The following PRR5L variants were observed in gnomAD, a reference collection of about 807,000 sequenced individuals.
PRR5L encodes the protein proline-rich protein 5-like.
PRR5L carries 21 observed loss-of-function variants against 36.4 expected under a neutral mutation model. The ratio of observed to expected loss-of-function variants is 0.58; its 90% CI spans 0.41 to 0.83. The LOEUF (loss-of-function observed/expected upper bound fraction) is 0.83. Among genes scored for constraint, PRR5L ranks in the 40% least tolerant of loss-of-function variants. The pLI, the probability that PRR5L is intolerant of heterozygous loss-of-function variation, is 0.00. For synonymous variants in PRR5L, 188 were observed against 197.0 expected, an observed-to-expected ratio of 0.95 and a Z score of 0.38; for missense variants, 381 against 473.3, an observed-to-expected ratio of 0.80 and a Z score of 1.81.
chr11:36,457,235 T>C (rs759521793), intron 8 of PRR5L, among the ~76,000 whole-genome samples: 1 of 152,242 alleles, frequency 6.6e-6, no homozygotes, highest in Non-Finnish European at 1.5e-5. Flanking sequence ...GTTTCAGCCA[T>C]GTTATAAAAT....
chr11:36,307,532 T>A (rs1856448207), intron 1 of PRR5L, among the ~76,000 whole-genome samples: 1 of 152,150 alleles, frequency 6.6e-6, no homozygotes. Context: ...GTTGCCTACA[T>A]CCTCAGGCAG....
At chr11:36,349,913 A>C (rs1856909251) in intron 1 of PRR5L, 1 of 152,064 alleles carries the variant, frequency 6.6e-6, no homozygotes, top group African/African-American at 2.4e-5. Context: ...AATTCTGCTG[A>C]CTTCAGAGAA....
chr11:36,325,602 G>A (rs1449471237), intron 1 of PRR5L, among the ~76,000 whole-genome samples: 1 of 152,114 alleles, frequency 6.6e-6, no homozygotes, highest in Non-Finnish European at 1.5e-5. Context: ...TCCTGTTTTT[G>A]CCTAATTAGC....
At chr11:36,302,921 G>A (rs951393029) in intron 1 of PRR5L, among the ~76,000 whole-genome samples, 5 of 152,218 alleles carry the variant, frequency 3.3e-5, no homozygotes, top group Admixed American at 2.6e-4. Context: ...TATCAAGGAT[G>A]TGCAGATTAG....
At chr11:36,297,989 G>T (rs1856331358) in intron 1 of PRR5L, among the ~76,000 whole-genome samples, 1 of 152,230 alleles carries the variant, frequency 6.6e-6, no homozygotes, top group Non-Finnish European at 1.5e-5. Context: ...GTTCTGGTGG[G>T]TGTGTAAACC....
chr11:36,405,950 G>T (rs1787485623), intron 3 of PRR5L, among the ~76,000 whole-genome samples: 1 of 152,118 alleles, frequency 6.6e-6, no homozygotes. Flanking sequence ...ATCTCTCAAA[G>T]GCCCATCTCC....
intron 1 of PRR5L, among the ~76,000 whole-genome samples, chr11:36,352,085 C>T (rs973724225): frequency 1.3e-5 from 2 of 151,914 alleles, no homozygotes; most frequent in African/African-American, 4.8e-5. Context: ...TCCCCGCCAA[C>T]ATCTATTATT....
rs1228126724 is a variant in PRR5L at position 36,463,576 on chromosome 11, TG to T, written c.*841del. The T allele has an allele frequency of 6.6e-6, 1 of 152,590 alleles. No homozygotes were observed. The highest frequency in any genetic ancestry group is 2.4e-5 in the African/African-American group (1 of 41,432). The allele number at this position is 152,590 out of a possible 1,614,324, so 9.5% of individuals were successfully genotyped here. ...CCTATGGTGGGTATGAGGGGCCAGC[TG>T]ATACCAACCAACTGGCCTGTATCTA... On this transcript the variant is annotated 3_prime_UTR_variant, in exon 9 of 9. Transcript: ENST00000530639.
intron 5 of PRR5L, among the ~76,000 whole-genome samples, chr11:36,434,199 C>G (rs7945831): frequency 0.26 from 39,971 of 152,060 alleles, 5,469 homozygotes; most frequent in East Asian, 0.43. Flanking sequence ...GGCATATTCT[C>G]TGAGTCTCTT....
intron 1 of PRR5L, among the ~76,000 whole-genome samples, chr11:36,379,156 T>C (rs887621042): frequency 1.3e-5 from 2 of 152,242 alleles, no homozygotes; most frequent in African/African-American, 4.8e-5. Context: ...TAATCCTCAC[T>C]TTGCTCCTTG....
intron 1 of PRR5L, among the ~76,000 whole-genome samples, chr11:36,327,684 G>T (rs778810660): frequency 2.0e-5 from 3 of 152,102 alleles, no homozygotes. Flanking sequence ...TCACCTATGA[G>T]AATTCTTCTA....
At chr11:36,315,080 G>A (rs1856541850) in intron 1 of PRR5L, among the ~76,000 whole-genome samples, 1 of 152,160 alleles carries the variant, frequency 6.6e-6, no homozygotes, top group Non-Finnish European at 1.5e-5. Context: ...TATGATGTGT[G>A]TATAAGGACT....
intron 8 of PRR5L, among the ~76,000 whole-genome samples, chr11:36,457,459 A>G (rs1194515808): frequency 6.6e-6 from 1 of 152,040 alleles, no homozygotes; most frequent in African/African-American, 2.4e-5. Flanking sequence ...ACAAAAAATT[A>G]GCTGGGTGTG....
At chr11:36,459,838 C>T (rs1342643022) in intron 8 of PRR5L, among the ~76,000 whole-genome samples, 4 of 152,174 alleles carry the variant, frequency 2.6e-5, no homozygotes, top group African/African-American at 9.7e-5. Context: ...AGTCCTTTAC[C>T]CCATCTTCAT....
At chr11:36,370,092 C>T (rs1039406196) in intron 1 of PRR5L, among the ~76,000 whole-genome samples, 2 of 152,152 alleles carry the variant, frequency 1.3e-5, no homozygotes, top group African/African-American at 2.4e-5. Context: ...AGGACCTTAC[C>T]ATGACCTTGC....
intron 1 of PRR5L, chr11:36,398,961 G>A (rs1372922557): frequency 6.6e-6 from 1 of 152,256 alleles, no homozygotes; most frequent in Non-Finnish European, 1.5e-5. Flanking sequence ...AATTACACAG[G>A]TGAATTGCAT....
intron 1 of PRR5L, among the ~76,000 whole-genome samples, chr11:36,389,100 A>G (rs1857514127): frequency 6.6e-6 from 1 of 151,882 alleles, no homozygotes; most frequent in Admixed American, 6.5e-5. Flanking sequence ...TTTCCAGCTC[A>G]TTGTTGTTAT....
intron 1 of PRR5L, chr11:36,393,706 T>G (rs1364283920): frequency 6.6e-6 from 1 of 152,260 alleles, no homozygotes; most frequent in East Asian, 1.9e-4. Flanking sequence ...TTTCTATTTC[T>G]GTGAAGAATG....
At chr11:36,383,695 CTTT>C (rs34900545) in intron 1 of PRR5L, among the ~76,000 whole-genome samples, 13 of 109,240 alleles carry the variant, frequency 1.2e-4, no homozygotes, top group Admixed American at 6.1e-4. Flanking sequence ...CTTTCTTTTC[CTTT>C]TTTTTTTTTT....
Sources: allele counts gnomAD v4.1 joint callset (sites outside exome capture counted in the v4.1 genomes callset), GRCh38; gene constraint gnomAD v4.1.1; transcripts MANE v1.5; gene names NCBI Gene and HGNC (gene_info 2026-07-23, HGNC 2026-07-21).